The following MAP4K3 variants were observed in gnomAD, a reference collection of about 807,000 sequenced individuals.
MAP4K3 encodes mitogen-activated protein kinase kinase kinase kinase 3.
In MAP4K3, 94 loss-of-function variants were observed where a neutral mutation model predicts 143.5. The observed-to-expected ratio is 0.65, with a 90% CI of 0.55 to 0.78. The LOEUF is 0.78. Among genes scored for constraint, MAP4K3 ranks in the 30% least tolerant of loss-of-function variants. MAP4K3 has a pLI of 0.00. For missense variants in MAP4K3, 1,077 were observed against 1,068.1 expected (o/e 1.01, Z -0.12); for synonymous variants, 416 against 347.2 (o/e 1.20, Z -2.20).
chr2:39,343,281 A>C (rs1665192332), intron 4 of MAP4K3, 107 bp downstream of exon 4: 3 of 734,676 alleles, frequency 4.1e-6, no homozygotes, highest in African/African-American at 1.8e-5. Flanking sequence ...TATAACAATA[A>C]AACATAGCTT....
In MAP4K3 at chr2:39,396,330, C is replaced by T. The variant is rs1003828820; in HGVS notation, c.97-18207G>A. ...TGTTGGGATTATAGGTGAGCCACTGCACCCGGCCTACAAGTATTTGTATAC... is the reference window on the plus strand; with the variant it reads ...TGTTGGGATTATAGGTGAGCCACTGTACCCGGCCTACAAGTATTTGTATAC... On this transcript the variant is annotated intron_variant, in intron 1 of 33. Coordinates refer to ENST00000263881, the MANE Select transcript of MAP4K3 (RefSeq NM_003618.4). Among the ~76,000 whole-genome samples, 9 of 152,138 alleles carry T rather than the reference C, an allele frequency of 5.9e-5. No homozygotes were observed. The East Asian group carries it at 1.7e-3, about 29-fold the overall frequency.
chr2:39,347,363 C>T (rs534921523), intron 3 of MAP4K3, among the ~76,000 whole-genome samples: 1 of 152,292 alleles, frequency 6.6e-6, no homozygotes, highest in East Asian at 1.9e-4. Context: ...AATATCTTCA[C>T]ATCTGCCACA....
intron 2 of MAP4K3, among the ~76,000 whole-genome samples, chr2:39,357,902 C>T (rs1665655489): frequency 6.6e-6 from 1 of 152,188 alleles, no homozygotes; most frequent in Admixed American, 6.5e-5. Context: ...TTGATCTAGT[C>T]AGAGTGAACC....
chr2:39,294,348 T>C (rs1204053544), intron 16 of MAP4K3: 1 of 152,198 alleles, frequency 6.6e-6, no homozygotes, highest in South Asian at 2.1e-4. Flanking sequence ...ATTTAAATTT[T>C]AAAAAATGAA....
chr2:39,436,112 G>C (rs982223377), intron 1 of MAP4K3, among the ~76,000 whole-genome samples: 1 of 152,206 alleles, frequency 6.6e-6, no homozygotes, highest in Admixed American at 6.5e-5. Flanking sequence ...GTGAGGCCAA[G>C]AGTTGAGTTG....
intron 8 of MAP4K3, among the ~76,000 whole-genome samples, chr2:39,326,830 G>A (rs1048410751): frequency 2.0e-5 from 3 of 152,022 alleles, no homozygotes; most frequent in Non-Finnish European, 4.4e-5. Context: ...AAAAGTGGCC[G>A]TTTCCCGAGT....
intron 1 of MAP4K3, among the ~76,000 whole-genome samples, chr2:39,408,387 G>A (rs1667151357): frequency 6.6e-6 from 1 of 152,074 alleles, no homozygotes; most frequent in South Asian, 2.1e-4. Context: ...ACCTTTAAGG[G>A]TCATTAGACA....
chr2:39,277,970 A>C (rs927281346), intron 24 of MAP4K3, among the ~76,000 whole-genome samples: 1 of 150,620 alleles, frequency 6.6e-6, no homozygotes, highest in African/African-American at 2.4e-5. Context: ...AACATGGTGA[A>C]ACCCTATCTC....
At chr2:39,419,001 A>G (rs1667472485) in intron 1 of MAP4K3, among the ~76,000 whole-genome samples, 1 of 151,918 alleles carries the variant, frequency 6.6e-6, no homozygotes. Flanking sequence ...CAAATGTACC[A>G]TGGTAACATG....
chr2:39,436,564 G>A (rs986583394), intron 1 of MAP4K3: 2 of 275,560 alleles, frequency 7.3e-6, no homozygotes, highest in Non-Finnish European at 1.4e-5. Flanking sequence ...CCCTGCCAAC[G>A]CAACAAACGC....
chr2:39,436,706 C>A (rs983174097), intron 1 of MAP4K3, 186 bp downstream of exon 1: 2 of 592,572 alleles, frequency 3.4e-6, no homozygotes, highest in African/African-American at 3.8e-5. Context: ...CTGGGGAGGT[C>A]TCGGGGTTAA....
intron 32 of MAP4K3, among the ~76,000 whole-genome samples, 167 bp from the exon 33 acceptor site, chr2:39,252,052 C>T (rs909344801): frequency 6.6e-6 from 1 of 152,120 alleles, no homozygotes; most frequent in African/African-American, 2.4e-5. Flanking sequence ...ATTTGTTAGT[C>T]GAGGGGAAAT....
intron 1 of MAP4K3, among the ~76,000 whole-genome samples, chr2:39,393,437 T>C (rs1666721343): frequency 6.6e-6 from 1 of 152,190 alleles, no homozygotes; most frequent in African/African-American, 2.4e-5. Flanking sequence ...TTAGAACCTA[T>C]CCATTTCAGA....
chr2:39,341,919 T>C (rs553279877), intron 4 of MAP4K3, among the ~76,000 whole-genome samples: 7 of 152,050 alleles, frequency 4.6e-5, no homozygotes, highest in African/African-American at 1.7e-4. Context: ...CAACTATACT[T>C]AATTAAAAGT....
intron 1 of MAP4K3, among the ~76,000 whole-genome samples, chr2:39,418,820 T>C (rs1312661838): frequency 6.6e-6 from 1 of 152,126 alleles, no homozygotes; most frequent in African/African-American, 2.4e-5. Flanking sequence ...AAAACGTCTG[T>C]GAAGCTGTCA....
At chr2:39,330,949 A>T (rs1324564419) in intron 8 of MAP4K3, among the ~76,000 whole-genome samples, 1 of 152,212 alleles carries the variant, frequency 6.6e-6, no homozygotes, top group Non-Finnish European at 1.5e-5. Context: ...AACTGTCATA[A>T]CGCAGTATCT....
intron 3 of MAP4K3, among the ~76,000 whole-genome samples, chr2:39,350,717 T>G (rs998931156): frequency 6.6e-6 from 1 of 152,130 alleles, no homozygotes; most frequent in Admixed American, 6.5e-5. Flanking sequence ...CCTCTTTTAA[T>G]CCCCTCCACC....
intron 24 of MAP4K3, among the ~76,000 whole-genome samples, chr2:39,273,541 G>A (rs377084146): frequency 6.6e-6 from 1 of 152,096 alleles, no homozygotes; most frequent in Admixed American, 6.5e-5. Context: ...GGACCCAGGG[G>A]TGAATGATGA....
chr2:39,299,618 A>C (rs1178664669), intron 16 of MAP4K3, 125 bp downstream of exon 16: 1 of 450,178 alleles, frequency 2.2e-6, no homozygotes, highest in Admixed American at 4.1e-5. Flanking sequence ...AAAAAGGTGA[A>C]ATGCATATTG....
Sources: gnomAD v4.1 joint callset for allele counts (sites outside exome capture counted in the v4.1 genomes callset) on GRCh38, gnomAD v4.1.1 for gene constraint, MANE v1.5 for transcripts, NCBI Gene and HGNC (gene_info 2026-07-23, HGNC 2026-07-21) for gene names.